The following KIF15 variants were observed in gnomAD, a reference collection of about 807,000 sequenced individuals.
KIF15 encodes the protein kinesin-like protein KIF15.
A neutral mutation model predicts 190.6 loss-of-function variants in KIF15; 140 were observed. That is an observed-to-expected ratio of 0.73 (90% CI 0.64 to 0.84). KIF15 has a LOEUF of 0.84. KIF15 is among the 40% of genes least tolerant of loss of function. The pLI is 0.00. For synonymous variants in KIF15, 528 were observed against 551.3 expected, an observed-to-expected ratio of 0.96 and a Z score of 0.59; for missense variants, 1,372 against 1,584.4, an observed-to-expected ratio of 0.87 and a Z score of 2.28.
intron 2 of KIF15, among the ~76,000 whole-genome samples, chr3:44,774,967 G>A (rs562987942): frequency 1.3e-5 from 2 of 152,170 alleles, no homozygotes; most frequent in African/African-American, 4.8e-5. Flanking sequence ...GGGTGTGATG[G>A]CAGATCCCTG....
chr3:44,844,408 C>A (rs1353817508), intron 30 of KIF15, among the ~76,000 whole-genome samples: 1 of 152,190 alleles, frequency 6.6e-6, no homozygotes, highest in Non-Finnish European at 1.5e-5. Context: ...TGTAGGTAGT[C>A]CACAGTCTGC....
chr3:44,848,765 T>C (rs1698958437), intron 32 of KIF15, among the ~76,000 whole-genome samples: 1 of 152,146 alleles, frequency 6.6e-6, no homozygotes, highest in Admixed American at 6.6e-5. Context: ...AAGAAATAAA[T>C]AGCAGGAAAA....
intron 6 of KIF15, among the ~76,000 whole-genome samples, chr3:44,866,857 T>G (rs1190165957): frequency 6.6e-6 from 1 of 152,212 alleles, no homozygotes; most frequent in Non-Finnish European, 1.5e-5. Context: ...TCAGCCATTC[T>G]CAAATCCACC....
In KIF15 at chr3:44,843,109, G is replaced by A. The variant is rs770076257; in HGVS notation, c.3586-16G>A. The A allele has an allele frequency of 6.6e-5, 104 of 1,583,618 alleles. No individual in the cohort carries two copies. In the African/African-American group the frequency reaches 9.1e-4, roughly 14 times the overall value. On this transcript the variant is annotated splice_polypyrimidine_tract_variant and intron_variant, in intron 29 of 34. Transcript: ENST00000326047. The stretch of plus-strand genomic sequence containing the variant: ...TGTAATGTGTTTTTTGAAAAGATAC[G>A]ATTTGATGTTATTAGGAGCAGTTGC...
chr3:44,861,989 C>T lies in KIF15; in HGVS notation c.*59+9195C>T. 1 of 1,383,280 alleles carries T rather than the reference C, an allele frequency of 7.2e-7. No individual in the cohort carries two copies. Among genetic ancestry groups the T allele is most frequent in the Non-Finnish European group, 9.4e-7 (1 of 1,067,662 alleles). The allele number at this position is 1,383,280 out of a possible 1,614,324, so 85.7% of individuals were successfully genotyped here. A position where few individuals can be genotyped will look rare whatever the true frequency, so the allele number is the denominator to read the frequency against. ...GCGACCGCGTACCCTGACACCCCCG[C>T]GGAATTCCCTCCGCACCTCCAGGCG... On this transcript the variant is annotated intron_variant and NMD_transcript_variant, in intron 6 of 6. Coordinates refer to the KIF15 transcript ENST00000422209.
At chr3:44,821,453 G>A (rs56203820) in intron 20 of KIF15, among the ~76,000 whole-genome samples, 99 of 151,988 alleles carry the variant, frequency 6.5e-4, no homozygotes, top group Non-Finnish European at 1.0e-3. Context: ...ACGGGGTTGC[G>A]GCCGGGTAGA....
chr3:44,820,806 C>T (rs987156193), intron 20 of KIF15, among the ~76,000 whole-genome samples: 3 of 152,236 alleles, frequency 2.0e-5, no homozygotes, highest in Admixed American at 1.3e-4. Context: ...CACCTCTCCC[C>T]ACTTTCTACT....
At chr3:44,841,005 T>A in intron 28 of KIF15, 69 bp from the exon 29 acceptor site, 2 of 1,395,010 alleles carry the variant, frequency 1.4e-6, no homozygotes, top group Non-Finnish European at 2.0e-6. Context: ...TACTTGACAT[T>A]TACGTTTAAA....
intron 1 of KIF15, among the ~76,000 whole-genome samples, chr3:44,765,056 G>A (rs1705321112): frequency 6.6e-6 from 1 of 152,208 alleles, no homozygotes; most frequent in African/African-American, 2.4e-5. Flanking sequence ...TCTGGATTTA[G>A]CATGCCTTCG....
intron 19 of KIF15, among the ~76,000 whole-genome samples, chr3:44,813,616 G>GTTTT (rs1707897792): frequency 8.0e-6 from 1 of 125,362 alleles, no homozygotes; most frequent in African/African-American, 2.9e-5. Context: ...TTTTTTTTTT[G>GTTTT]TTTTGTTTGT....
chr3:44,808,704 G>C (rs961428263), intron 16 of KIF15, among the ~76,000 whole-genome samples: 1 of 150,922 alleles, frequency 6.6e-6, no homozygotes, highest in Non-Finnish European at 1.5e-5. Context: ...CTGGTACCTA[G>C]AGCCTCATTT....
intron 32 of KIF15, among the ~76,000 whole-genome samples, chr3:44,851,284 G>A (rs972377326): frequency 4.6e-5 from 7 of 152,162 alleles, no homozygotes; most frequent in African/African-American, 1.7e-4. Flanking sequence ...GGTGGGGGGT[G>A]AAGTAGGCAT....
chr3:44,779,933 G>A (rs1034336887), intron 4 of KIF15, among the ~76,000 whole-genome samples: 1 of 151,954 alleles, frequency 6.6e-6, no homozygotes, highest in Non-Finnish European at 1.5e-5. Flanking sequence ...AGAAGAAGGG[G>A]GTAAAAAACT....
At chr3:44,864,446 T>C (rs528393202) in intron 6 of KIF15, 2 of 1,465,674 alleles carry the variant, frequency 1.4e-6, no homozygotes, top group African/African-American at 1.4e-5. Context: ...GGACAGGAAC[T>C]GAAGCAGAGG....
chr3:44,846,086 T>A (rs921951138), intron 30 of KIF15, among the ~76,000 whole-genome samples: 1 of 152,220 alleles, frequency 6.6e-6, no homozygotes, highest in Non-Finnish European at 1.5e-5. Context: ...CTTTTTAGGT[T>A]GACAGGCAGT....
chr3:44,820,871 C>G (rs1189985789), intron 20 of KIF15, among the ~76,000 whole-genome samples: 4 of 152,240 alleles, frequency 2.6e-5, no homozygotes, highest in African/African-American at 9.6e-5. Flanking sequence ...CCGGGCACAC[C>G]TCCCAGACGG....
chr3:44,805,222 C>T (rs1707441688), intron 15 of KIF15, 54 bp downstream of exon 15: 1 of 1,521,418 alleles, frequency 6.6e-7, no homozygotes, highest in Non-Finnish European at 9.0e-7. Flanking sequence ...TGTTCATTTG[C>T]TGTAGTGTTA....
intron 29 of KIF15, 104 bp from the exon 30 acceptor site, chr3:44,843,021 A>T: frequency 6.6e-6 from 5 of 755,568 alleles, no homozygotes; most frequent in Non-Finnish European, 1.1e-5. Context: ...GTGTCTCTGC[A>T]TAGGAACTTA....
At chr3:44,861,210 C>T (rs1699239748) in intron 6 of KIF15, among the ~76,000 whole-genome samples, 2 of 151,554 alleles carry the variant, frequency 1.3e-5, no homozygotes, top group Non-Finnish European at 1.5e-5. Context: ...AGGCTGGTCT[C>T]GAACTCCCGA....
Sources: allele counts gnomAD v4.1 joint callset (sites outside exome capture counted in the v4.1 genomes callset), GRCh38; gene constraint gnomAD v4.1.1; transcripts MANE v1.5; gene names NCBI Gene and HGNC (gene_info 2026-07-23, HGNC 2026-07-21).